Variants in SPIDR observed in about 807,000 individuals in gnomAD.
SPIDR encodes the protein DNA repair-scaffolding protein.
In SPIDR, 93 loss-of-function variants were observed where a neutral mutation model predicts 104.6. That is an observed-to-expected ratio of 0.89 (90% CI 0.75 to 1.06). The LOEUF is 1.06. Ranked by LOEUF, SPIDR falls within the 50% of genes least tolerant of loss-of-function variation. SPIDR has a pLI of 0.00. For missense variants in SPIDR, 1,154 were observed against 1,111.2 expected, an observed-to-expected ratio of 1.04 and a Z score of -0.55; for synonymous variants, 431 against 416.9, an observed-to-expected ratio of 1.03 and a Z score of -0.41.
In SPIDR at chr8:47,585,723, A is replaced by G. The variant is rs146910324; in HGVS notation, c.1098-10088A>G. Among the ~76,000 whole-genome samples the G allele has an allele frequency of 1.6e-3, 240 of 152,282 alleles. 8 individuals are homozygous for G. In the East Asian group the frequency reaches 0.044, roughly 28 times the overall value. ...CTGGTGGAGACTCTGCAGAGTCTTG[A>G]GATGGCACCACCATTACATGGCAAG... On this transcript the variant is annotated intron_variant, in intron 8 of 19. Coordinates refer to ENST00000297423, the MANE Select transcript of SPIDR (RefSeq NM_001080394.4).
chr8:47,389,532 ACAAAAAATT>A (rs1554650343), intron 5 of SPIDR, among the ~76,000 whole-genome samples: 1 of 151,930 alleles, frequency 6.6e-6, no homozygotes, highest in Non-Finnish European at 1.5e-5. Flanking sequence ...TACTAAAAAT[ACAAAAAATT>A]AGCTGGGCGT....
intron 10 of SPIDR, among the ~76,000 whole-genome samples, chr8:47,639,148 T>C (rs185267704): frequency 2.6e-5 from 4 of 152,290 alleles, no homozygotes; most frequent in Non-Finnish European, 5.9e-5. Context: ...AGCTAAGGAG[T>C]GTTCTAGTTA....
At chr8:47,510,094 C>A (rs1384701290) in intron 8 of SPIDR, among the ~76,000 whole-genome samples, 1 of 152,186 alleles carries the variant, frequency 6.6e-6, no homozygotes. Flanking sequence ...ATCTGCATTT[C>A]GATTTCAGCT....
chr8:47,696,592 C>T (rs1317711078), intron 11 of SPIDR, among the ~76,000 whole-genome samples: 1 of 152,222 alleles, frequency 6.6e-6, no homozygotes, highest in Non-Finnish European at 1.5e-5. Context: ...AGTCTTCAGT[C>T]AGCCAAGCTC....
intron 3 of SPIDR, among the ~76,000 whole-genome samples, chr8:47,287,153 C>T (rs923961963): frequency 6.6e-6 from 1 of 151,974 alleles, no homozygotes; most frequent in Admixed American, 6.6e-5. Flanking sequence ...AGGGGGTGTA[C>T]GAACAGGGAG....
At chr8:47,655,928 T>C (rs2072712461) in intron 10 of SPIDR, among the ~76,000 whole-genome samples, 1 of 152,212 alleles carries the variant, frequency 6.6e-6, no homozygotes, top group Admixed American at 6.5e-5. Flanking sequence ...TTTTGGTCCA[T>C]TGATTTTTGA....
intron 5 of SPIDR, among the ~76,000 whole-genome samples, chr8:47,357,113 T>C (rs1373811014): frequency 6.6e-6 from 1 of 152,132 alleles, no homozygotes; most frequent in Non-Finnish European, 1.5e-5. Context: ...TTAAGTTGAG[T>C]GCTTGTGTAA....
intron 8 of SPIDR, among the ~76,000 whole-genome samples, chr8:47,470,281 G>A (rs181605967): frequency 1.3e-5 from 2 of 152,016 alleles, no homozygotes; most frequent in East Asian, 1.9e-4. Flanking sequence ...TTTGTTTTTC[G>A]TTTTTGTTTT....
At chr8:47,636,892 T>G (rs2068010061) in intron 10 of SPIDR, among the ~76,000 whole-genome samples, 1 of 151,550 alleles carries the variant, frequency 6.6e-6, no homozygotes, top group African/African-American at 2.4e-5. Context: ...AGTAAGATAA[T>G]CATGCCTGTC....
intron 16 of SPIDR, among the ~76,000 whole-genome samples, chr8:47,725,972 TTTGGTGGGCCTG>T (rs1652177176): frequency 6.6e-6 from 1 of 152,246 alleles, no homozygotes; most frequent in Non-Finnish European, 1.5e-5. Context: ...TGAGTGGGCC[TTTGGTGGGCCTG>T]CAGGCCCTGG....
At chr8:47,449,462 A>C (rs532573967) in intron 8 of SPIDR, among the ~76,000 whole-genome samples, 18 of 152,316 alleles carry the variant, frequency 1.2e-4, no homozygotes, top group African/African-American at 3.8e-4. Flanking sequence ...CCATGGGCCT[A>C]TTCACAACTG....
intron 8 of SPIDR, among the ~76,000 whole-genome samples, chr8:47,523,911 C>T (rs1459134519): frequency 6.6e-6 from 1 of 152,100 alleles, no homozygotes; most frequent in Non-Finnish European, 1.5e-5. Context: ...CTCTGTTTTC[C>T]CGTATGAGGT....
intron 10 of SPIDR, among the ~76,000 whole-genome samples, chr8:47,647,785 CACTG>C (rs1216944143): frequency 6.6e-6 from 1 of 152,142 alleles, no homozygotes; most frequent in Non-Finnish European, 1.5e-5. Flanking sequence ...AGGAAAGTCT[CACTG>C]ACAAGTTAAT....
chr8:47,299,426 A>G (rs2041591680), intron 5 of SPIDR, among the ~76,000 whole-genome samples: 2 of 152,026 alleles, frequency 1.3e-5, no homozygotes, highest in Non-Finnish European at 2.9e-5. Flanking sequence ...TCTTTTCCTA[A>G]TTGAATACCC....
chr8:47,524,803 T>C (rs2084724171), intron 8 of SPIDR, among the ~76,000 whole-genome samples: 5 of 152,184 alleles, frequency 3.3e-5, no homozygotes. Flanking sequence ...ATTCTAAAAG[T>C]TTAATACTCA....
At chr8:47,680,003 A>C (rs564872018) in intron 11 of SPIDR, among the ~76,000 whole-genome samples, 1 of 152,272 alleles carries the variant, frequency 6.6e-6, no homozygotes, top group African/African-American at 2.4e-5. Context: ...TTGGAGCTCA[A>C]TTTTAGCAGT....
At chr8:47,567,200 T>C (rs1378442598) in intron 8 of SPIDR, among the ~76,000 whole-genome samples, 4 of 151,642 alleles carry the variant, frequency 2.6e-5, no homozygotes, top group Non-Finnish European at 5.9e-5. Flanking sequence ...ACACTGGTTT[T>C]GGAGGATAAA....
At position 47,514,783 on chromosome 8, in the gene SPIDR, A is replaced by T. The variant is rs117671802; in HGVS notation, c.1097+74241A>T. Among the ~76,000 whole-genome samples the T allele has an allele frequency of 1.8e-4, 28 of 152,320 alleles. No individual in the cohort carries two copies. In the East Asian group the frequency reaches 5.4e-3, roughly 29 times the overall value. ...ACAAATAAACAATATACTACAAGTT[A>T]TATTTGTATGTGCTTTGAGGCCAAC... On this transcript the variant is annotated intron_variant, in intron 8 of 19. Transcript: ENST00000297423.
chr8:47,467,076 T>A (rs1554717893), intron 8 of SPIDR, among the ~76,000 whole-genome samples: 1 of 151,752 alleles, frequency 6.6e-6, no homozygotes, highest in African/African-American at 2.4e-5. Context: ...TCAGAGAATA[T>A]TATGAACATC....
Sources: gnomAD v4.1 joint callset for allele counts (sites outside exome capture counted in the v4.1 genomes callset) on GRCh38, gnomAD v4.1.1 for gene constraint, MANE v1.5 for transcripts, NCBI Gene and HGNC (gene_info 2026-07-23, HGNC 2026-07-21) for gene names.